The following ZFPM1 variants were observed in gnomAD, a reference collection of about 807,000 sequenced individuals.
ZFPM1 encodes zinc finger protein ZFPM1.
ZFPM1 carries 28 observed loss-of-function variants against 46.3 expected under a neutral mutation model. That is an observed-to-expected ratio of 0.60 (90% CI 0.45 to 0.83). ZFPM1 has a LOEUF of 0.83. ZFPM1 is among the 40% of genes least tolerant of loss of function. The pLI, the probability that ZFPM1 is intolerant of heterozygous loss-of-function variation, is 0.00. For synonymous variants in ZFPM1, 957 were observed against 675.9 expected, an observed-to-expected ratio of 1.42 and a Z score of -6.45; for missense variants, 1,878 against 1,432.4, an observed-to-expected ratio of 1.31 and a Z score of -5.02.
chr16:88,490,348 G>A (rs780889724), intron 3 of ZFPM1, among the ~76,000 whole-genome samples: 23 of 152,354 alleles, frequency 1.5e-4, no homozygotes, highest in Admixed American at 6.5e-5. Context: ...CACCACGCCC[G>A]GCAGCAAGCA....
chr16:88,485,304 G>T (rs552806236), intron 1 of ZFPM1, among the ~76,000 whole-genome samples: 2 of 152,174 alleles, frequency 1.3e-5, no homozygotes, highest in African/African-American at 2.4e-5. Flanking sequence ...CACGGGGTCC[G>T]CGGCCCTTCT....
intron 3 of ZFPM1, among the ~76,000 whole-genome samples, chr16:88,490,243 G>A (rs60929009): frequency 0.1 from 15,656 of 152,036 alleles, 875 homozygotes; most frequent in Middle Eastern, 0.19. Flanking sequence ...GAGGAGAGAC[G>A]GGGTTTCACC....
intron 5 of ZFPM1, 38 bp downstream of exon 5, chr16:88,526,954 G>T (rs1268637408): frequency 5.2e-6 from 8 of 1,534,730 alleles, no homozygotes; most frequent in Non-Finnish European, 7.0e-6. Context: ...AAGCCTTCCG[G>T]AAGGTGGGGG....
chr16:88,523,532 C>T (rs1912064922), intron 4 of ZFPM1, among the ~76,000 whole-genome samples: 1 of 152,214 alleles, frequency 6.6e-6, no homozygotes, highest in African/African-American at 2.4e-5. Context: ...TGGTTCAGGG[C>T]TGGCCGTGTC....
intron 2 of ZFPM1, 102 bp from the exon 3 acceptor site, chr16:88,488,929 C>T (rs1297930031): frequency 6.7e-7 from 1 of 1,501,878 alleles, no homozygotes; most frequent in Non-Finnish European, 8.9e-7. Context: ...CCCGAGCTCC[C>T]CAACCCGGCG....
At chr16:88,459,484 T>C (rs1375545682) in intron 1 of ZFPM1, among the ~76,000 whole-genome samples, 4 of 152,070 alleles carry the variant, frequency 2.6e-5, no homozygotes, top group African/African-American at 7.2e-5. Flanking sequence ...GGAAAATACC[T>C]GTTATCCGAG....
chr16:88,482,689 C>A (rs1790672380), intron 1 of ZFPM1, among the ~76,000 whole-genome samples: 1 of 152,316 alleles, frequency 6.6e-6, no homozygotes, highest in African/African-American at 2.4e-5. Flanking sequence ...GGCAGGTGGC[C>A]TCCAGCCCAT....
intron 1 of ZFPM1, among the ~76,000 whole-genome samples, chr16:88,460,061 A>G (rs1907747629): frequency 6.6e-6 from 1 of 151,680 alleles, no homozygotes; most frequent in African/African-American, 2.4e-5. Context: ...CCGACTCCCC[A>G]GGCTGTGTGG....
At chr16:88,491,139 C>G (rs902104642) in intron 3 of ZFPM1, among the ~76,000 whole-genome samples, 1 of 152,174 alleles carries the variant, frequency 6.6e-6, no homozygotes, top group Non-Finnish European at 1.5e-5. Context: ...CTCAGGCCTT[C>G]GCTGCGGAGT....
intron 1 of ZFPM1, among the ~76,000 whole-genome samples, chr16:88,458,322 C>G (rs764995283): frequency 3.9e-5 from 6 of 152,218 alleles, no homozygotes; most frequent in South Asian, 4.1e-4. Context: ...GGCCTCCTTC[C>G]TAAGACATGA....
In ZFPM1 at chr16:88,536,082, A is replaced by G. The variant is rs1260809978; in HGVS notation, c.*1103A>G. 6 of 152,038 alleles carry G rather than the reference A, an allele frequency of 3.9e-5. No individual in the cohort carries two copies. The highest frequency in any genetic ancestry group is 1.2e-4 in the African/African-American group (5 of 41,336). 9.4% of individuals were successfully genotyped at this position (152,038 alleles called of 1,614,324 possible). A position where few individuals can be genotyped will look rare whatever the true frequency, so the allele number is the denominator to read the frequency against. ...GTGATCTTCCCACCTCAGTTTCCTCAGTAGCTGGGGCTACAGGTGTACACC... is the reference window on the plus strand; with the variant it reads ...GTGATCTTCCCACCTCAGTTTCCTCGGTAGCTGGGGCTACAGGTGTACACC... On this transcript the variant is annotated 3_prime_UTR_variant, in exon 10 of 10. Transcript: ENST00000319555.
At chr16:88,510,818 G>A (rs1910915300) in intron 3 of ZFPM1, among the ~76,000 whole-genome samples, 1 of 152,194 alleles carries the variant, frequency 6.6e-6, no homozygotes, top group African/African-American at 2.4e-5. Context: ...TGGGCCAGTT[G>A]CTTAACCTCT....
intron 3 of ZFPM1, among the ~76,000 whole-genome samples, chr16:88,501,167 A>AGCAGACATGGGT (rs1910256076): frequency 8.1e-6 from 1 of 123,140 alleles, no homozygotes; most frequent in Admixed American, 7.9e-5. Flanking sequence ...TGATGGAGAT[A>AGCAGACATGGGT]GCAGACATGG....
intron 3 of ZFPM1, among the ~76,000 whole-genome samples, chr16:88,493,433 C>T (rs74035505): frequency 0.14 from 18,166 of 128,796 alleles, 1,818 homozygotes; most frequent in Admixed American, 0.22. Context: ...GGAGCTGTCC[C>T]GGGGTACGGA....
chr16:88,486,152 T>A, intron 2 of ZFPM1, 109 bp downstream of exon 2: 2 of 1,150,826 alleles, frequency 1.7e-6, no homozygotes, highest in Non-Finnish European at 2.5e-6. Context: ...GCCAACTATA[T>A]GCAGGAGTCC....
chr16:88,512,377 G>A (rs900134270), intron 3 of ZFPM1, among the ~76,000 whole-genome samples: 2 of 152,194 alleles, frequency 1.3e-5, no homozygotes, highest in Admixed American at 6.5e-5. Context: ...CCAGCCCCAG[G>A]TGCACAGCAG....
chr16:88,529,820 G>A (rs746680977), intron 6 of ZFPM1, among the ~76,000 whole-genome samples: 15 of 152,200 alleles, frequency 9.9e-5, no homozygotes, highest in Non-Finnish European at 2.1e-4. Context: ...CCTGCACAGG[G>A]GCCAGCTGGC....
chr16:88,507,034 C>A (rs2142413302), intron 3 of ZFPM1, among the ~76,000 whole-genome samples: 1 of 152,332 alleles, frequency 6.6e-6, no homozygotes, highest in South Asian at 2.1e-4. Flanking sequence ...GGCCTTCTGC[C>A]TGCTCCGCTC....
chr16:88,494,910 C>T (rs1909848936), intron 3 of ZFPM1, among the ~76,000 whole-genome samples: 1 of 152,124 alleles, frequency 6.6e-6, no homozygotes, highest in South Asian at 2.1e-4. Flanking sequence ...GAAGGATGGG[C>T]GGCAGGAGGC....
Sources: allele counts gnomAD v4.1 joint callset (sites outside exome capture counted in the v4.1 genomes callset), GRCh38; gene constraint gnomAD v4.1.1; transcripts MANE v1.5; gene names NCBI Gene and HGNC (gene_info 2026-07-23, HGNC 2026-07-21).